ROCK2: variants seen among roughly 807,000 people sequenced by gnomAD.
The protein encoded by ROCK2 is rho-associated protein kinase 2.
A neutral mutation model predicts 195.1 loss-of-function variants in ROCK2; 61 were observed. The observed-to-expected ratio is 0.31, with a 90% CI of 0.25 to 0.39. ROCK2 has a LOEUF of 0.39. Among genes scored for constraint, ROCK2 ranks in the 10% least tolerant of loss-of-function variants. The pLI is 1.00. For synonymous variants in ROCK2, 504 were observed against 545.5 expected (o/e 0.92, Z 1.06); for missense variants, 1,109 against 1,637.4 (o/e 0.68, Z 5.57).
intron 10 of ROCK2, 86 bp downstream of exon 10, chr2:11,218,869 AAAAGGAGCATC>A (rs1161781176): frequency 6.2e-6 from 4 of 649,672 alleles, no homozygotes; most frequent in Non-Finnish European, 1.1e-5. Context: ...TCATGATTTT[AAAAGGAGCATC>A]AAATTAGCTT....
At chr2:11,185,815 A>G (rs1663175854) in intron 32 of ROCK2, among the ~76,000 whole-genome samples, 2 of 152,196 alleles carry the variant, frequency 1.3e-5, no homozygotes, top group African/African-American at 4.8e-5. Context: ...TGTGGTGTTC[A>G]TGAATCAACT....
At position 11,214,872 on chromosome 2, in the gene ROCK2, G is replaced by A; in HGVS notation, c.1904C>T (p.Thr635Ile). 1 of 1,612,718 alleles carries A rather than the reference G, an allele frequency of 6.2e-7. No individual in the cohort carries two copies. Among genetic ancestry groups the A allele is most frequent in the South Asian group, 1.1e-5 (1 of 91,062 alleles). Reference sequence around the variant, plus strand: ...ATCATTAATTATCTCTGATCCATGGGTTCGATCCCTCCTTTCAGATTCTAG... The same window carrying A: ...ATCATTAATTATCTCTGATCCATGGATTCGATCCCTCCTTTCAGATTCTAG... ...SALESERRDR[T>I]HGSEIINDLQ... is the part of the protein sequence containing the mutation. Residue 635 changes from threonine to isoleucine, a missense_variant, in exon 16 of 33, where the codon ACC becomes ATC. Thr to Ile is a moderately conservative substitution (Grantham distance 89). This residue lies in a region of ROCK2 where 542 missense variants were observed against 672.0 expected (regional missense o/e 0.81). Coordinates refer to ENST00000315872, the MANE Select transcript of ROCK2 (RefSeq NM_004850.5).
At position 11,265,254 on chromosome 2, in the gene ROCK2, A is replaced by T. The variant is rs142195819; in HGVS notation, c.325-15456T>A. 1.1e-4 allele frequency among the ~76,000 whole-genome samples: 17 copies of T among 152,332 alleles called. No individual in the cohort carries two copies. The East Asian group carries it at 3.3e-3, about 29-fold the overall frequency. ...TATATAATGATCCTTTAAGACTTAA[A>T]TATATTACATTTATCTTCAGAAATG... On this transcript the variant is annotated intron_variant, in intron 3 of 32. Coordinates refer to ENST00000315872, the MANE Select transcript of ROCK2 (RefSeq NM_004850.5).
At chr2:11,282,397 A>T (rs1356301077) in intron 3 of ROCK2, among the ~76,000 whole-genome samples, 1 of 152,068 alleles carries the variant, frequency 6.6e-6, no homozygotes, top group East Asian at 1.9e-4. Flanking sequence ...AATGGGAGGG[A>T]TGAAACTATC....
At chr2:11,278,903 C>A (rs933762948) in intron 3 of ROCK2, among the ~76,000 whole-genome samples, 1 of 152,002 alleles carries the variant, frequency 6.6e-6, no homozygotes, top group Non-Finnish European at 1.5e-5. Context: ...CATTAGCCAC[C>A]GTGCCCAGCT....
intron 4 of ROCK2, among the ~76,000 whole-genome samples, chr2:11,237,266 T>G (rs1462493215): frequency 6.6e-6 from 1 of 152,172 alleles, no homozygotes; most frequent in Non-Finnish European, 1.5e-5. Flanking sequence ...GTCTAAGAAT[T>G]CACTATATGA....
intron 4 of ROCK2, among the ~76,000 whole-genome samples, chr2:11,236,549 C>A (rs1328818910): frequency 1.3e-5 from 2 of 152,166 alleles, no homozygotes; most frequent in Admixed American, 1.3e-4. Flanking sequence ...TTTACTGAGA[C>A]TATAGCAGTA....
At chr2:11,199,665 A>G (rs1281717073) in intron 23 of ROCK2, among the ~76,000 whole-genome samples, 1 of 152,102 alleles carries the variant, frequency 6.6e-6, no homozygotes, top group Non-Finnish European at 1.5e-5. Context: ...ATCTTTCTGT[A>G]ATTGTTTTCA....
At position 11,343,889 on chromosome 2, in the gene ROCK2, G is replaced by A. The variant is rs1669192118; in HGVS notation, c.141+107C>T. On this transcript the variant is annotated intron_variant, in intron 1 of 32. Coordinates refer to ENST00000315872, the MANE Select transcript of ROCK2 (RefSeq NM_004850.5). ...GGCTGCCGGAAGCAGGGCGGGGTGG[G>A]GCAAGACCTCCCCCTCCCCACGGGC... 5 of 1,390,348 alleles carry A rather than the reference G, an allele frequency of 3.6e-6. No homozygotes were observed. The South Asian group carries it at 6.0e-5, about 17-fold the overall frequency. The allele number at this position is 1,390,348 out of a possible 1,614,324, so 86.1% of individuals were successfully genotyped here. A position where few individuals can be genotyped will look rare whatever the true frequency, so the allele number is the denominator to read the frequency against.
chr2:11,221,688 T>A (rs1045414309), intron 8 of ROCK2, among the ~76,000 whole-genome samples: 12 of 152,176 alleles, frequency 7.9e-5, no homozygotes, highest in African/African-American at 2.9e-4. Context: ...ATGTCATATA[T>A]ACATAGTAAA....
In ROCK2 at chr2:11,231,887, G is replaced by A. The variant is rs544838165; in HGVS notation, c.723+3815C>T. ...TAACATTTTATAGGAAGTCAGGATG[G>A]CTGAAAAATAATTTGAGCATATATG... On this transcript the variant is annotated intron_variant, in intron 5 of 32. Coordinates refer to ENST00000315872, the MANE Select transcript of ROCK2 (RefSeq NM_004850.5). Among the ~76,000 whole-genome samples the A allele has an allele frequency of 3.9e-5, 6 of 152,116 alleles. No individual in the cohort carries two copies. The East Asian group carries it at 1.2e-3, about 29-fold the overall frequency.
chr2:11,190,900 G>C (rs76296961), intron 32 of ROCK2, among the ~76,000 whole-genome samples: 13 of 152,216 alleles, frequency 8.5e-5, no homozygotes, highest in African/African-American at 3.1e-4. Flanking sequence ...TGAATTCTGA[G>C]TTTCTTTAGC....
At chr2:11,330,149 T>C (rs1408055400) in intron 1 of ROCK2, among the ~76,000 whole-genome samples, 1 of 152,210 alleles carries the variant, frequency 6.6e-6, no homozygotes, top group Non-Finnish European at 1.5e-5. Context: ...TAAAAATAAC[T>C]GCAGAAATAT....
intron 3 of ROCK2, 43 bp from the exon 4 acceptor site, chr2:11,249,841 T>C (rs765919998): frequency 2.1e-5 from 29 of 1,401,400 alleles, no homozygotes; most frequent in Admixed American, 5.3e-5. Context: ...TTTCATGTTA[T>C]GAGAGAAAGG....
At chr2:11,331,186 C>T (rs993649703) in intron 1 of ROCK2, among the ~76,000 whole-genome samples, 1 of 152,148 alleles carries the variant, frequency 6.6e-6, no homozygotes, top group African/African-American at 2.4e-5. Context: ...AAGAAAACTT[C>T]AATTTCAATA....
chr2:11,188,796 TG>T (rs1214050411), intron 32 of ROCK2, among the ~76,000 whole-genome samples: 2 of 151,776 alleles, frequency 1.3e-5, no homozygotes, highest in Admixed American at 1.3e-4. Flanking sequence ...GCTAATTTTT[TG>T]TATTTTTTAG....
chr2:11,239,004 C>G (rs952388639), intron 4 of ROCK2, among the ~76,000 whole-genome samples: 2 of 151,382 alleles, frequency 1.3e-5, no homozygotes, highest in African/African-American at 4.9e-5. Context: ...GTTTGAACAA[C>G]TGGATAGCTA....
At chr2:11,185,162 T>C (rs1572212760) in intron 32 of ROCK2, among the ~76,000 whole-genome samples, 1 of 152,222 alleles carries the variant, frequency 6.6e-6, no homozygotes, top group Non-Finnish European at 1.5e-5. Flanking sequence ...CAGCTCAGTT[T>C]TTCCATCATA....
intron 1 of ROCK2, among the ~76,000 whole-genome samples, chr2:11,336,027 A>C (rs1668917826): frequency 6.6e-6 from 1 of 152,238 alleles, no homozygotes; most frequent in Non-Finnish European, 1.5e-5. Context: ...TATATAAACC[A>C]AAATGTTAAT....
Sources: gnomAD v4.1 joint callset for allele counts (sites outside exome capture counted in the v4.1 genomes callset) on GRCh38, gnomAD v4.1.1 for gene constraint, gnomAD v4.1.1 regional missense constraint, MANE v1.5 for transcripts, NCBI Gene and HGNC (gene_info 2026-07-23, HGNC 2026-07-21) for gene names.